BMP6: variants seen among roughly 807,000 people sequenced by gnomAD.
BMP6 encodes the protein VG-1-R.
Under a neutral mutation model 54.1 loss-of-function variants are expected in BMP6, and 17 were observed. The ratio of observed to expected loss-of-function variants is 0.31; its 90% confidence interval spans 0.22 to 0.47. BMP6 has a LOEUF of 0.47. Among genes scored for constraint, BMP6 ranks in the 20% least tolerant of loss-of-function variants. BMP6 has a pLI of 1.00. For synonymous variants in BMP6, 328 were observed against 291.2 expected (o/e 1.13, Z -1.28); for missense variants, 720 against 690.4 (o/e 1.04, Z -0.48).
chr6:7,880,447 T>G lies in BMP6; in HGVS notation c.*104T>G, dbSNP rs756446788. The G allele has an allele frequency of 2.8e-6, 4 of 1,451,768 alleles. No individual in the cohort carries two copies. Among genetic ancestry groups the G allele is most frequent in the Non-Finnish European group, 3.8e-6 (4 of 1,055,580 alleles). 89.9% of individuals were successfully genotyped at this position (1,451,768 alleles called of 1,614,324 possible). On this transcript the variant is annotated 3_prime_UTR_variant, in exon 7 of 7. Coordinates refer to ENST00000283147, the MANE Select transcript of BMP6 (RefSeq NM_001718.6). ...AGTTGGAGGTGGGACGATGAGACTTTGAAACTATCTCATGCCAGTGCCTTA... is the reference window on the plus strand; with the variant it reads ...AGTTGGAGGTGGGACGATGAGACTTGGAAACTATCTCATGCCAGTGCCTTA...
At chr6:7,769,587 A>G (rs1581239881) in intron 1 of BMP6, among the ~76,000 whole-genome samples, 4 of 152,320 alleles carry the variant, frequency 2.6e-5, no homozygotes, top group Middle Eastern at 6.8e-3. Context: ...GAAAGACTTA[A>G]CTGGAAGGAT....
intron 1 of BMP6, among the ~76,000 whole-genome samples, chr6:7,773,785 C>T (rs937061867): frequency 6.6e-6 from 1 of 152,164 alleles, no homozygotes; most frequent in Non-Finnish European, 1.5e-5. Context: ...CTTGGGATTT[C>T]CACGCGTTTA....
intron 1 of BMP6, among the ~76,000 whole-genome samples, chr6:7,783,822 C>A (rs1349971571): frequency 6.6e-6 from 1 of 152,246 alleles, no homozygotes; most frequent in Non-Finnish European, 1.5e-5. Context: ...TGAGCATGGT[C>A]CTTGTCCTTT....
chr6:7,760,954 C>A (rs1033786465), intron 1 of BMP6, among the ~76,000 whole-genome samples: 6 of 152,150 alleles, frequency 3.9e-5, no homozygotes, highest in Admixed American at 2.6e-4. Context: ...AAAATATAAG[C>A]CATTACGGAC....
chr6:7,754,301 T>G (rs1395203080), intron 1 of BMP6, among the ~76,000 whole-genome samples: 1 of 151,924 alleles, frequency 6.6e-6, no homozygotes, highest in Admixed American at 6.6e-5. Flanking sequence ...TTTGGAAAGA[T>G]CAGGTCTCTC....
At chr6:7,759,869 A>C (rs1251349264) in intron 1 of BMP6, among the ~76,000 whole-genome samples, 1 of 150,832 alleles carries the variant, frequency 6.6e-6, no homozygotes, top group Non-Finnish European at 1.5e-5. Flanking sequence ...ATGCCTGGCT[A>C]ATTTTTGTAT....
chr6:7,775,903 T>A (rs55865034), intron 1 of BMP6, among the ~76,000 whole-genome samples: 18,233 of 152,214 alleles, frequency 0.12, 1,397 homozygotes, highest in Non-Finnish European at 0.16. Context: ...AAGAAGAAAT[T>A]ATGTTTGTTT....
chr6:7,863,825 C>A (rs1175377329), intron 4 of BMP6, among the ~76,000 whole-genome samples: 1 of 151,984 alleles, frequency 6.6e-6, no homozygotes, highest in Non-Finnish European at 1.5e-5. Flanking sequence ...TCGAGACCAG[C>A]CTGGCCAACG....
chr6:7,848,525 G>T (rs1437790441), intron 2 of BMP6, among the ~76,000 whole-genome samples: 2 of 152,038 alleles, frequency 1.3e-5, no homozygotes, highest in African/African-American at 2.4e-5. Flanking sequence ...CCAGCTCCCT[G>T]CCTGTCAAAG....
At chr6:7,833,069 G>A (rs900280300) in intron 1 of BMP6, among the ~76,000 whole-genome samples, 1 of 152,002 alleles carries the variant, frequency 6.6e-6, no homozygotes, top group Non-Finnish European at 1.5e-5. Context: ...GGCAAAATGC[G>A]AGGCAGTGGG....
At chr6:7,759,198 A>G (rs1378765488) in intron 1 of BMP6, among the ~76,000 whole-genome samples, 1 of 152,136 alleles carries the variant, frequency 6.6e-6, no homozygotes, top group African/African-American at 2.4e-5. Flanking sequence ...ATTACCATAT[A>G]TGTATGTATG....
At chr6:7,876,113 T>C (rs975964371) in intron 4 of BMP6, among the ~76,000 whole-genome samples, 3 of 152,198 alleles carry the variant, frequency 2.0e-5, no homozygotes, top group African/African-American at 7.2e-5. Context: ...ATGCGAAGTG[T>C]TGCCAAAAGC....
intron 1 of BMP6, among the ~76,000 whole-genome samples, chr6:7,818,812 A>C (rs1758566092): frequency 6.6e-6 from 1 of 152,210 alleles, no homozygotes; most frequent in Non-Finnish European, 1.5e-5. Context: ...GAGGTACATC[A>C]CTTTTAGACA....
chr6:7,767,102 T>A (rs1286462482), intron 1 of BMP6, among the ~76,000 whole-genome samples: 1 of 151,920 alleles, frequency 6.6e-6, no homozygotes, highest in Non-Finnish European at 1.5e-5. Flanking sequence ...TTCTCCTGCC[T>A]CAGCTCTCCG....
At chr6:7,816,041 T>C (rs1255298633) in intron 1 of BMP6, among the ~76,000 whole-genome samples, 1 of 152,206 alleles carries the variant, frequency 6.6e-6, no homozygotes, top group Non-Finnish European at 1.5e-5. Flanking sequence ...GGTGACTCTT[T>C]AGGATGGGGT....
chr6:7,859,997 G>A (rs1441085165), intron 2 of BMP6, among the ~76,000 whole-genome samples: 1 of 152,178 alleles, frequency 6.6e-6, no homozygotes, highest in Non-Finnish European at 1.5e-5. Context: ...ATGGATTAAA[G>A]ATGAAGTTCA....
Position 7,881,481 on chromosome 6 carries a change from A to G in BMP6, c.*1138A>G, listed in dbSNP as rs1561801921. 6.6e-6 allele frequency: 1 copy of G among 152,612 alleles called. No individual in the cohort carries two copies. Among genetic ancestry groups the G allele is most frequent in the Non-Finnish European group, 1.5e-5 (1 of 68,028 alleles). 9.5% of individuals were successfully genotyped at this position (152,612 alleles called of 1,614,324 possible). A position where few individuals can be genotyped will look rare whatever the true frequency, so the allele number is the denominator to read the frequency against. ...AACTATAATTTATTGTCTATTTTAT[A>G]TCTGTTTTGCTGTAACATTGAAGGA... On this transcript the variant is annotated 3_prime_UTR_variant, in exon 7 of 7. Coordinates refer to ENST00000283147, the MANE Select transcript of BMP6 (RefSeq NM_001718.6).
intron 1 of BMP6, among the ~76,000 whole-genome samples, chr6:7,844,599 G>C (rs751525842): frequency 3.3e-5 from 5 of 152,004 alleles, no homozygotes; most frequent in Non-Finnish European, 7.4e-5. Flanking sequence ...AAAATGCTTT[G>C]CCCACCCCCC....
rs56264814 is a variant in BMP6 at position 7,856,120 on chromosome 6, TA to T, written c.858-5307del. Among the ~76,000 whole-genome samples, 509 of 83,646 alleles carry T rather than the reference TA, an allele frequency of 6.1e-3. 6 individuals carry two copies. The highest frequency in any genetic ancestry group is 0.021 in the African/African-American group (477 of 22,560). 54.9% of individuals were successfully genotyped at this position (83,646 alleles called of 152,430 possible). A position where few individuals can be genotyped will look rare whatever the true frequency, so the allele number is the denominator to read the frequency against. ...GAAAATTGAGTAATATCAAAGACTG[TA>T]AAAAAAAAAAAAAAAAAAAAAAATG... On this transcript the variant is annotated intron_variant, in intron 2 of 6. Transcript: ENST00000283147.
Sources: gnomAD v4.1 joint callset for allele counts (sites outside exome capture counted in the v4.1 genomes callset) on GRCh38, gnomAD v4.1.1 for gene constraint, MANE v1.5 for transcripts, NCBI Gene and HGNC (gene_info 2026-07-23, HGNC 2026-07-21) for gene names.